The following ULK4 variants were observed in gnomAD, a reference collection of about 807,000 sequenced individuals.
The protein encoded by ULK4 is unc-51 like kinase 4.
A neutral mutation model predicts 160.6 loss-of-function variants in ULK4; 133 were observed. That is an observed-to-expected ratio of 0.83 (90% confidence interval 0.72 to 0.96). The LOEUF is 0.96. ULK4 is among the 40% of genes least tolerant of loss of function. The probability of loss-of-function intolerance (pLI) is 0.00; values close to 1 mark genes in which losing one functional copy is unlikely to be tolerated. For missense variants in ULK4, 1,580 were observed against 1,499.5 expected, an observed-to-expected ratio of 1.05 and a Z score of -0.89; for synonymous variants, 534 against 539.8, an observed-to-expected ratio of 0.99 and a Z score of 0.15.
chr3:41,417,692 T>C (rs564728495), intron 34 of ULK4, among the ~76,000 whole-genome samples: 1 of 152,140 alleles, frequency 6.6e-6, no homozygotes, highest in Admixed American at 6.6e-5. Context: ...TAAGCACACA[T>C]GCAGTCCTTT....
At chr3:41,835,997 A>T in intron 17 of ULK4, 26 bp from the exon 18 acceptor site, 2 of 1,385,720 alleles carry the variant, frequency 1.4e-6, no homozygotes, top group Non-Finnish European at 2.0e-6. Flanking sequence ...AAAAAAAAGT[A>T]AATTATTTCA....
intron 16 of ULK4, among the ~76,000 whole-genome samples, chr3:41,894,954 G>A (rs1698103797): frequency 6.6e-6 from 1 of 152,108 alleles, no homozygotes; most frequent in Non-Finnish European, 1.5e-5. Flanking sequence ...TCCTTCCATC[G>A]GGAGTTTATA....
intron 30 of ULK4, among the ~76,000 whole-genome samples, chr3:41,627,837 C>T (rs530576564): frequency 6.6e-6 from 1 of 152,214 alleles, no homozygotes; most frequent in South Asian, 2.1e-4. Context: ...TGTTCGTGAG[C>T]CTTGAAAGAC....
chr3:41,554,843 T>A (rs1025556389), intron 32 of ULK4, among the ~76,000 whole-genome samples: 1 of 152,064 alleles, frequency 6.6e-6, no homozygotes, highest in Non-Finnish European at 1.5e-5. Context: ...TCAATAAAAA[T>A]ACATTTTAAA....
intron 35 of ULK4, among the ~76,000 whole-genome samples, chr3:41,387,188 T>C (rs1575498349): frequency 6.6e-6 from 1 of 152,286 alleles, no homozygotes; most frequent in African/African-American, 2.4e-5. Context: ...ATCAGGGTAA[T>C]TAAGATATCT....
chr3:41,629,450 G>C (rs1430722301), intron 30 of ULK4, among the ~76,000 whole-genome samples: 1 of 152,146 alleles, frequency 6.6e-6, no homozygotes, highest in Non-Finnish European at 1.5e-5. Context: ...CTTTCAAAGA[G>C]AACCAGATGG....
Position 41,759,264 on chromosome 3 carries a change from A to G in ULK4, c.2194-4776T>C, listed in dbSNP as rs76022629. 8.0e-5 allele frequency among the ~76,000 whole-genome samples: 12 copies of G among 149,660 alleles called. No homozygotes were observed. The East Asian group carries it at 2.3e-3, about 29-fold the overall frequency. Reference sequence around the variant, plus strand: ...AGATGACATGATTATCTATGTAGAAAATCCCAAGGAATTTACAAAAAAAGC... The same window carrying G: ...AGATGACATGATTATCTATGTAGAAGATCCCAAGGAATTTACAAAAAAAGC... On this transcript the variant is annotated intron_variant, in intron 21 of 36. Coordinates refer to ENST00000301831, the MANE Select transcript of ULK4 (RefSeq NM_017886.4).
intron 31 of ULK4, among the ~76,000 whole-genome samples, chr3:41,609,104 AC>A (rs2032538532): frequency 6.6e-6 from 1 of 152,262 alleles, no homozygotes; most frequent in Admixed American, 6.5e-5. Context: ...TTAATATGTA[AC>A]CTGTACCTGG....
chr3:41,446,439 A>T (rs1203680393), intron 34 of ULK4, among the ~76,000 whole-genome samples: 1 of 152,078 alleles, frequency 6.6e-6, no homozygotes, highest in African/African-American at 2.4e-5. Context: ...ATGTTTACTG[A>T]GGCACTATTC....
At chr3:41,357,087 A>C (rs1478254049) in intron 35 of ULK4, among the ~76,000 whole-genome samples, 1 of 152,162 alleles carries the variant, frequency 6.6e-6, no homozygotes, top group Non-Finnish European at 1.5e-5. Flanking sequence ...CCCCAGAGTA[A>C]AGCAGTTGTT....
In ULK4 at chr3:41,526,059, A is replaced by G. The variant is rs145448594; in HGVS notation, c.3226+39966T>C. On this transcript the variant is annotated intron_variant, in intron 32 of 36. Transcript: ENST00000301831. Reference sequence around the variant, plus strand: ...ACATTCCCTACTTCCATGTCTTCCTAAGCTCCCCAGTTTGCTCCTTATCTC... The same window carrying G: ...ACATTCCCTACTTCCATGTCTTCCTGAGCTCCCCAGTTTGCTCCTTATCTC... Among the ~76,000 whole-genome samples the G allele has an allele frequency of 7.4e-3, 1,125 of 152,158 alleles. 13 individuals carry two copies. Among genetic ancestry groups the G allele is most frequent in the African/African-American group, 0.026 (1,076 of 41,524 alleles).
rs1285414872 is a variant in ULK4 at position 41,954,609 on chromosome 3, T to C, written c.138+13A>G. On this transcript the variant is annotated intron_variant, in intron 2 of 36. Transcript: ENST00000301831. ...CTCTCTTTCCCCATGCCAATGGAAA[T>C]ACACTGACTTACCCAGTTGGTTATT... 1 of 1,608,618 alleles carries C rather than the reference T, an allele frequency of 6.2e-7. No individual in the cohort carries two copies. The highest frequency in any genetic ancestry group is 8.5e-7 in the Non-Finnish European group (1 of 1,177,804).
chr3:41,826,805 G>A (rs143488812), intron 18 of ULK4, among the ~76,000 whole-genome samples: 21,970 of 127,164 alleles, frequency 0.17, 2,802 homozygotes, highest in African/African-American at 0.34. Flanking sequence ...TGCACCAAGC[G>A]GACCTAATAG....
intron 11 of ULK4, among the ~76,000 whole-genome samples, chr3:41,910,822 G>C (rs1338907790): frequency 6.6e-6 from 1 of 151,994 alleles, no homozygotes. Context: ...AATTAGCCAG[G>C]CATGGTGGCA....
intron 34 of ULK4, among the ~76,000 whole-genome samples, chr3:41,434,793 A>G (rs4973879): frequency 0.56 from 85,089 of 152,062 alleles, 24,824 homozygotes; most frequent in African/African-American, 0.74. Context: ...ATTGTTTTAC[A>G]TTATAGTATG....
intron 30 of ULK4, among the ~76,000 whole-genome samples, chr3:41,628,752 T>C (rs1409548038): frequency 1.3e-5 from 2 of 152,202 alleles, no homozygotes; most frequent in African/African-American, 2.4e-5. Flanking sequence ...TTTCCTGATT[T>C]TGATAACTGA....
At position 41,938,084 on chromosome 3, in the gene ULK4, A is replaced by T; in HGVS notation, c.238+14T>A. 2 of 1,573,718 alleles carry T rather than the reference A, an allele frequency of 1.3e-6. No individual in the cohort carries two copies. Among genetic ancestry groups the T allele is most frequent in the Non-Finnish European group, 1.7e-6 (2 of 1,157,126 alleles). On this transcript the variant is annotated intron_variant, in intron 3 of 36. Coordinates refer to ENST00000301831, the MANE Select transcript of ULK4 (RefSeq NM_017886.4). Reference sequence around the variant, plus strand: ...ATACTATATTCATAGCACTTTTTACATACTCTTTCTTACCTGTGCAGAGTT... The same window carrying T: ...ATACTATATTCATAGCACTTTTTACTTACTCTTTCTTACCTGTGCAGAGTT...
chr3:41,868,635 G>A (rs570951114), intron 17 of ULK4, among the ~76,000 whole-genome samples: 3 of 151,408 alleles, frequency 2.0e-5, no homozygotes, highest in South Asian at 2.1e-4. Context: ...TTACAGAGGC[G>A]TGCACCATCA....
chr3:41,856,280 G>A (rs146918181), intron 17 of ULK4, among the ~76,000 whole-genome samples: 308 of 151,846 alleles, frequency 2.0e-3, no homozygotes, highest in African/African-American at 7.1e-3. Context: ...CTATTTAGCT[G>A]TCAGATACAA....
Sources: allele counts gnomAD v4.1 joint callset (sites outside exome capture counted in the v4.1 genomes callset), GRCh38; gene constraint gnomAD v4.1.1; transcripts MANE v1.5; gene names NCBI Gene and HGNC (gene_info 2026-07-23, HGNC 2026-07-21).